The following DHX8 variants were observed in gnomAD, a reference collection of about 807,000 sequenced individuals.
DHX8 encodes ATP-dependent RNA helicase DHX8.
A neutral mutation model predicts 140.7 loss-of-function variants in DHX8; 67 were observed. That is an observed-to-expected ratio of 0.48 (90% CI 0.39 to 0.58). DHX8 has a LOEUF of 0.58. Ranked by LOEUF, DHX8 falls within the 20% of genes least tolerant of loss-of-function variation. DHX8 has a pLI of 0.00. For missense variants in DHX8, 887 were observed against 1,550.7 expected (o/e 0.57, Z 7.19); for synonymous variants, 533 against 553.2 (o/e 0.96, Z 0.51).
intron 9 of DHX8, 108 bp downstream of exon 9, chr17:43,496,376 C>A: frequency 1.4e-6 from 1 of 701,244 alleles, no homozygotes; most frequent in Non-Finnish European, 2.4e-6. Flanking sequence ...TTCTTTGGAT[C>A]TCACTACTCA....
At chr17:43,535,923 CAACATGGTG>C (rs1320223381) in intron 2 of DHX8, among the ~76,000 whole-genome samples, 3 of 152,136 alleles carry the variant, frequency 2.0e-5, no homozygotes, top group African/African-American at 7.2e-5. Context: ...CCATCCTGGC[CAACATGGTG>C]AAACCCCATC....
intron 17 of DHX8, among the ~76,000 whole-genome samples, chr17:43,516,688 A>G (rs995399104): frequency 2.0e-5 from 3 of 152,164 alleles, no homozygotes; most frequent in Admixed American, 6.6e-5. Flanking sequence ...GGCTCATGCA[A>G]TCTGCCCACC....
At chr17:43,492,035 T>G in intron 4 of DHX8, 148 bp from the exon 5 acceptor site, 1 of 614,666 alleles carries the variant, frequency 1.6e-6, no homozygotes. Context: ...TTTCCATTTC[T>G]TCTGCATCTA....
intron 10 of DHX8, 22 bp from the exon 11 acceptor site, chr17:43,499,934 G>T (rs1969087135): frequency 6.2e-7 from 1 of 1,612,244 alleles, no homozygotes; most frequent in African/African-American, 1.3e-5. Flanking sequence ...AATCCATGTT[G>T]TTTTTTCTTC....
At chr17:43,505,482 T>C (rs1031765808) in intron 12 of DHX8, among the ~76,000 whole-genome samples, 11 of 152,036 alleles carry the variant, frequency 7.2e-5, no homozygotes, top group African/African-American at 1.7e-4. Flanking sequence ...GATAAGAGGA[T>C]TGCTTGAGCC....
downstream of DHX8, chr17:43,544,680 G>T: frequency 3.5e-6 from 1 of 289,426 alleles, no homozygotes; most frequent in Non-Finnish European, 6.5e-6. Context: ...CAGGAAAATG[G>T]GCCTGGGGCC....
At chr17:43,541,497 A>T (rs1971519282) in intron 3 of DHX8, among the ~76,000 whole-genome samples, 1 of 151,828 alleles carries the variant, frequency 6.6e-6, no homozygotes, top group South Asian at 2.1e-4. Context: ...GCCCAGAGAG[A>T]GAGAAAGAAT....
At chr17:43,529,422 C>T, downstream of DHX8, 13 of 1,499,612 alleles carry the variant, frequency 8.7e-6, no homozygotes, top group Non-Finnish European at 1.1e-5. Flanking sequence ...ATGATGGAGG[C>T]ACGTGCCACC....
chr17:43,530,633 T>TGA (rs1970874780), downstream of DHX8, among the ~76,000 whole-genome samples: 1 of 146,452 alleles, frequency 6.8e-6, no homozygotes, highest in Non-Finnish European at 1.5e-5. Flanking sequence ...TGTGTGTGTG[T>TGA]GTGACAGAAA....
chr17:43,528,442 G>T, downstream of DHX8: 3 of 1,028,144 alleles, frequency 2.9e-6, no homozygotes, highest in Non-Finnish European at 4.2e-6. Context: ...TTCAGATGAA[G>T]GTTTCCCCAA....
In DHX8 at chr17:43,525,016, A is replaced by ATC. The variant is rs1970563550; in HGVS notation, c.*1170_*1171dup. ...ACTGTGCTGCCCAGGCTGCTCTCCA[A>ATC]TCCCTGGCGTCAAGCAATCCTCCTG... On this transcript the variant is annotated 3_prime_UTR_variant, in exon 23 of 23. Transcript: ENST00000262415. 2.0e-6 allele frequency: 2 copies of ATC among 984,728 alleles called. No homozygotes were observed. Among genetic ancestry groups the ATC allele is most frequent in the Admixed American group, 1.2e-4 (2 of 16,216 alleles). 61.0% of individuals were successfully genotyped at this position (984,728 alleles called of 1,614,324 possible). A position where few individuals can be genotyped will look rare whatever the true frequency, so the allele number is the denominator to read the frequency against.
chr17:43,497,940 A>G (rs1261741717), intron 9 of DHX8, among the ~76,000 whole-genome samples: 2 of 152,202 alleles, frequency 1.3e-5, no homozygotes, highest in Non-Finnish European at 2.9e-5. Context: ...GAATTATTCC[A>G]CAATGAAGTT....
At chr17:43,516,274 A>T (rs1822235933) in intron 17 of DHX8, among the ~76,000 whole-genome samples, 1 of 152,130 alleles carries the variant, frequency 6.6e-6, no homozygotes, top group African/African-American at 2.4e-5. Flanking sequence ...AGAGTTAGCC[A>T]CTGTTAACAT....
intron 11 of DHX8, among the ~76,000 whole-genome samples, chr17:43,502,714 G>A (rs891450354): frequency 5.9e-5 from 9 of 152,082 alleles, no homozygotes; most frequent in Admixed American, 4.6e-4. Flanking sequence ...GTGAGCCACC[G>A]TGCCTAGCCC....
chr17:43,533,040 G>A (rs1478457880), intron 2 of DHX8: 23 of 1,499,238 alleles, frequency 1.5e-5, no homozygotes, highest in Non-Finnish European at 1.9e-5. Flanking sequence ...CGGAATGGGG[G>A]GTAGGGGGTT....
At chr17:43,506,950 T>A in intron 12 of DHX8, 53 bp from the exon 13 acceptor site, 1 of 1,373,280 alleles carries the variant, frequency 7.3e-7, no homozygotes, top group Non-Finnish European at 9.9e-7. Context: ...TTAATGACCA[T>A]ATTTATATTC....
intron 3 of DHX8, among the ~76,000 whole-genome samples, chr17:43,536,705 G>A (rs1022713522): frequency 9.8e-5 from 15 of 152,372 alleles, no homozygotes; most frequent in African/African-American, 3.4e-4. Context: ...ATCTCATAAT[G>A]TTTTAAGAAA....
downstream of DHX8, chr17:43,528,000 C>T (rs1201040973): frequency 8.5e-6 from 2 of 234,168 alleles, no homozygotes; most frequent in East Asian, 1.2e-4. Flanking sequence ...CCCCTCATCC[C>T]AGGTTCCTTT....
At chr17:43,496,672 C>G (rs896410464) in intron 9 of DHX8, among the ~76,000 whole-genome samples, 2 of 151,766 alleles carry the variant, frequency 1.3e-5, no homozygotes, top group African/African-American at 4.8e-5. Flanking sequence ...CCCAGCTACT[C>G]GGGAGTCTGA....
Sources: gnomAD v4.1 joint callset for allele counts (sites outside exome capture counted in the v4.1 genomes callset) on GRCh38, gnomAD v4.1.1 for gene constraint, MANE v1.5 for transcripts, NCBI Gene and HGNC (gene_info 2026-07-23, HGNC 2026-07-21) for gene names.